The following PLS3 variants were observed in gnomAD, a reference collection of about 807,000 sequenced individuals.
The protein encoded by PLS3 is plastin-3.
Under a neutral mutation model 46.5 loss-of-function variants are expected in PLS3, and 11 were observed. The observed-to-expected ratio is 0.24, with a 90% CI of 0.15 to 0.39. The LOEUF (loss-of-function observed/expected upper bound fraction) is 0.39, where lower values mean the gene tolerates loss of function less well. PLS3 is among the 10% of genes least tolerant of loss of function. The probability of loss-of-function intolerance (pLI) is 1.00; values close to 1 mark genes in which losing one functional copy is unlikely to be tolerated. For synonymous variants in PLS3, 167 were observed against 162.2 expected (o/e 1.03, Z -0.22); for missense variants, 308 against 461.8 (o/e 0.67, Z 3.05).
chrX:115,597,334 CTT>C (rs1338927784), intron 1 of PLS3, among the ~76,000 whole-genome samples: 98 of 110,923 alleles, frequency 8.8e-4, no homozygotes, highest in African/African-American at 3.1e-3. Context: ...TTATATCTTT[CTT>C]ATGCATCCAC....
chrX:115,583,847 G>C (rs782506713), intron 1 of PLS3, among the ~76,000 whole-genome samples: 3 of 111,912 alleles, frequency 2.7e-5, no homozygotes, highest in African/African-American at 3.2e-5. Flanking sequence ...TTTGACTCTT[G>C]ACAGTGAGAT....
intron 5 of PLS3, among the ~76,000 whole-genome samples, chrX:115,633,513 C>T (rs142132436): frequency 0.016 from 1,779 of 110,171 alleles, 39 homozygotes; most frequent in African/African-American, 0.056. Context: ...TCTTTTGAGA[C>T]GGGGTCTTGC....
At chrX:115,645,259 G>T (rs2074939406) in intron 11 of PLS3, among the ~76,000 whole-genome samples, 160 bp downstream of exon 11, 1 of 111,969 alleles carries the variant, frequency 8.9e-6, no homozygotes, top group South Asian at 3.7e-4. Flanking sequence ...ATACACAAAA[G>T]CTTTAAGTAT....
intron 8 of PLS3, among the ~76,000 whole-genome samples, chrX:115,638,553 A>G (rs1219691272): frequency 9.0e-6 from 1 of 111,045 alleles, no homozygotes; most frequent in Non-Finnish European, 1.9e-5. Flanking sequence ...CCAGCCAGGT[A>G]TATTTTGCTT....
In PLS3 at chrX:115,645,067, T is replaced by G; in HGVS notation, c.1230T>G (p.Leu410=). ...ERTFRNWMNS[L]GVNPHVNHLY... is the part of the protein sequence containing the mutation. Reference sequence around the variant, plus strand: ...CCTTCCGTAACTGGATGAACTCTCTTGGTGTCAATCCTCACGTAAACCATC... The same window carrying G: ...CCTTCCGTAACTGGATGAACTCTCTGGGTGTCAATCCTCACGTAAACCATC... Residue 410 remains leucine, a synonymous_variant, in exon 11 of 16, where the codon CTT becomes CTG. Transcript: ENST00000355899. 8.4e-7 allele frequency: 1 copy of G among 1,193,394 alleles called. No homozygotes were observed. The highest frequency in any genetic ancestry group is 1.1e-6 in the Non-Finnish European group (1 of 878,940).
At chrX:115,621,099 C>T (rs782553785) in intron 2 of PLS3, among the ~76,000 whole-genome samples, 37 of 110,317 alleles carry the variant, frequency 3.4e-4, no homozygotes, top group Non-Finnish European at 4.0e-4. Flanking sequence ...CTGCAACCTC[C>T]GCCTCCCAGG....
intron 5 of PLS3, among the ~76,000 whole-genome samples, 156 bp downstream of exon 5, chrX:115,630,123 T>C (rs1043052744): frequency 1.8e-5 from 2 of 111,777 alleles, no homozygotes; most frequent in Non-Finnish European, 3.8e-5. Context: ...TCTAGGTCTG[T>C]CCATGAATCT....
At chrX:115,624,090 G>T (rs782032948) in intron 3 of PLS3, among the ~76,000 whole-genome samples, 2 of 109,878 alleles carry the variant, frequency 1.8e-5, no homozygotes, top group African/African-American at 6.6e-5. Flanking sequence ...CTATCTGGGC[G>T]TGGTGGTGCG....
chrX:115,593,818 G>A (rs1470328261), intron 1 of PLS3, among the ~76,000 whole-genome samples: 3 of 111,366 alleles, frequency 2.7e-5, no homozygotes, highest in Admixed American at 9.6e-5. Context: ...TTTGTTAAGA[G>A]AAAATTTTGA....
intron 9 of PLS3, among the ~76,000 whole-genome samples, chrX:115,642,673 A>T (rs1429746147): frequency 9.0e-6 from 1 of 111,657 alleles, no homozygotes; most frequent in Non-Finnish European, 1.9e-5. Context: ...CAGTAGAAAA[A>T]AGGAGAAACT....
At chrX:115,585,863 ACTT>A (rs1215153692) in intron 1 of PLS3, among the ~76,000 whole-genome samples, 2 of 111,625 alleles carry the variant, frequency 1.8e-5, no homozygotes, top group Non-Finnish European at 3.8e-5. Flanking sequence ...ACTATAGTAT[ACTT>A]CTTAGTTTTT....
At chrX:115,622,074 T>A (rs2074661105) in intron 2 of PLS3, 172 bp from the exon 3 acceptor site, 3 of 418,165 alleles carry the variant, frequency 7.2e-6, no homozygotes, top group African/African-American at 5.1e-5. Context: ...TGTAAAACCT[T>A]GCTTTTTCCA....
chrX:115,578,188 G>A (rs889968247), intron 1 of PLS3, among the ~76,000 whole-genome samples: 8 of 111,814 alleles, frequency 7.2e-5, no homozygotes, highest in African/African-American at 2.3e-4. Context: ...AAATCAAGGA[G>A]TATCCATGTG....
At chrX:115,630,633 A>G (rs1467729677) in intron 5 of PLS3, among the ~76,000 whole-genome samples, 3 of 104,464 alleles carry the variant, frequency 2.9e-5, no homozygotes, top group Admixed American at 1.1e-4. Flanking sequence ...TACTACATAC[A>G]AAGTGCTTAG....
At chrX:115,616,496 T>C (rs1556636822) in intron 2 of PLS3, among the ~76,000 whole-genome samples, 1 of 112,198 alleles carries the variant, frequency 8.9e-6, no homozygotes, top group African/African-American at 3.2e-5. Flanking sequence ...TCAGCATTTA[T>C]GTTTATTTTT....
intron 9 of PLS3, among the ~76,000 whole-genome samples, chrX:115,640,874 G>GT (rs1272840166): frequency 1.8e-5 from 2 of 111,483 alleles, no homozygotes; most frequent in Non-Finnish European, 3.8e-5. Context: ...AATAGATTTA[G>GT]TGACTATATA....
chrX:115,633,952 A>G (rs782600732), intron 5 of PLS3, 48 bp from the exon 6 acceptor site: 2 of 652,915 alleles, frequency 3.1e-6, no homozygotes, highest in Non-Finnish European at 5.0e-6. Context: ...ATAAAAGGAA[A>G]TCAGCTCTTT....
intron 1 of PLS3, among the ~76,000 whole-genome samples, chrX:115,566,824 G>A (rs782625586): frequency 2.7e-5 from 3 of 110,735 alleles, no homozygotes; most frequent in South Asian, 3.9e-4. Context: ...GATTACAGGC[G>A]CGTACCACCA....
intron 1 of PLS3, among the ~76,000 whole-genome samples, chrX:115,604,638 T>C (rs1556635049): frequency 9.0e-6 from 1 of 111,573 alleles, no homozygotes; most frequent in African/African-American, 3.3e-5. Flanking sequence ...TACTGGTACT[T>C]GAGATTAAAT....
Sources: gnomAD v4.1 joint callset for allele counts (sites outside exome capture counted in the v4.1 genomes callset) on GRCh38, gnomAD v4.1.1 for gene constraint, MANE v1.5 for transcripts, NCBI Gene and HGNC (gene_info 2026-07-23, HGNC 2026-07-21) for gene names.